Variants in WLS observed in about 807,000 individuals in gnomAD.
WLS encodes Wnt ligand secretion mediator, also known as protein wntless homolog.
In WLS, 23 loss-of-function variants were observed where a neutral mutation model predicts 62.8. The ratio of observed to expected loss-of-function variants is 0.37; its 90% CI spans 0.26 to 0.52. WLS has a LOEUF of 0.52. Ranked by LOEUF, WLS falls within the 20% of genes least tolerant of loss-of-function variation. The pLI is 0.92. For missense variants in WLS, 615 were observed against 697.3 expected, an observed-to-expected ratio of 0.88 and a Z score of 1.33; for synonymous variants, 246 against 244.1, an observed-to-expected ratio of 1.01 and a Z score of -0.07.
At chr1:68,184,039 C>G (rs1231103034) in intron 2 of WLS, among the ~76,000 whole-genome samples, 1 of 152,154 alleles carries the variant, frequency 6.6e-6, no homozygotes, top group African/African-American at 2.4e-5. Flanking sequence ...ATTATTCTGG[C>G]TTTCCCCTAC....
chr1:68,188,935 G>A (rs551494864), intron 2 of WLS, among the ~76,000 whole-genome samples: 10 of 152,344 alleles, frequency 6.6e-5, no homozygotes, highest in African/African-American at 2.2e-4. Context: ...ATAAATTAAA[G>A]CTAAAAGAGT....
intron 11 of WLS, chr1:68,100,707 G>A (rs529899606): frequency 6.6e-6 from 1 of 152,230 alleles, no homozygotes; most frequent in South Asian, 2.1e-4. Context: ...GAGATCATAA[G>A]GCTGTCGGAA....
At chr1:68,174,212 C>T (rs80111630) in intron 2 of WLS, among the ~76,000 whole-genome samples, 95 of 152,302 alleles carry the variant, frequency 6.2e-4, no homozygotes, top group African/African-American at 2.0e-3. Context: ...TGTCAGATCA[C>T]GGCACCCCAA....
intron 1 of WLS, among the ~76,000 whole-genome samples, chr1:68,210,925 C>T (rs1185870557): frequency 6.6e-6 from 1 of 152,090 alleles, no homozygotes; most frequent in South Asian, 2.1e-4. Flanking sequence ...AAAAACCCAC[C>T]AAGAATCAAG....
chr1:68,202,747 C>T (rs2183269), intron 1 of WLS: 66,223 of 152,022 alleles, frequency 0.44, 16,584 homozygotes, highest in Non-Finnish European at 0.59. Context: ...ATTATAGCAT[C>T]TTTAATTTAC....
At chr1:68,173,372 A>T (rs1317632314) in intron 2 of WLS, among the ~76,000 whole-genome samples, 1 of 152,130 alleles carries the variant, frequency 6.6e-6, no homozygotes, top group Non-Finnish European at 1.5e-5. Context: ...AGCATTTAGA[A>T]TAGCTGATTT....
intron 1 of WLS, among the ~76,000 whole-genome samples, chr1:68,220,203 A>G (rs1278061351): frequency 5.3e-5 from 8 of 152,234 alleles, no homozygotes; most frequent in Non-Finnish European, 1.0e-4. Context: ...GATCTTGCCT[A>G]ATAGGAAGGC....
intron 1 of WLS, among the ~76,000 whole-genome samples, chr1:68,227,870 G>C (rs1459914538): frequency 2.0e-5 from 3 of 152,132 alleles, no homozygotes; most frequent in Admixed American, 2.0e-4. Flanking sequence ...AAATTGGAGA[G>C]TAAACACATA....
intron 1 of WLS, chr1:68,228,204 G>A: frequency 2.3e-6 from 1 of 425,996 alleles, no homozygotes; most frequent in Non-Finnish European, 4.6e-6. Flanking sequence ...AATAATTGGT[G>A]ATTTGTTGAT....
chr1:68,162,365 A>G, intron 2 of WLS: 1 of 1,613,992 alleles, frequency 6.2e-7, no homozygotes, highest in Admixed American at 1.7e-5. Flanking sequence ...TTGAGATTGC[A>G]GTGCAAGGAG....
Position 68,194,161 on chromosome 1 carries a change from T to C in WLS, c.173A>G (p.His58Arg), listed in dbSNP as rs751470492. 2.5e-6 allele frequency: 4 copies of C among 1,614,216 alleles called. No individual in the cohort carries two copies. The highest frequency in any genetic ancestry group is 3.4e-6 in the Non-Finnish European group (4 of 1,180,032). ...CCAAGGCACGAACCATTTTGTCTTG[T>C]GATGGTTCTTACGGGCATCCACACA... Reference protein sequence around the residue: ...VKCVDARKNHHKTKWFVPWGP... With the variant: ...VKCVDARKNHRKTKWFVPWGP... The change falls in exon 2 of 12, where the codon CAC becomes CGC. Residue 58 changes from histidine (H) to arginine (R), a missense_variant. Transcript: ENST00000262348.
rs574211078 is a variant in WLS at position 68,107,960 on chromosome 1, G to A, written c.1511-9207C>T. Among the ~76,000 whole-genome samples the A allele has an allele frequency of 1.1e-4, 16 of 152,246 alleles. No individual in the cohort carries two copies. In the South Asian group the frequency reaches 2.3e-3, roughly 22 times the overall value. Reference sequence around the variant, plus strand: ...TAGAGCCTTCCAGACCCAGCTCCCCGGGAGATGAATCACCAGCTAGGGACA... The same window carrying A: ...TAGAGCCTTCCAGACCCAGCTCCCCAGGAGATGAATCACCAGCTAGGGACA... On this transcript the variant is annotated intron_variant, in intron 11 of 11. Coordinates refer to the WLS transcript ENST00000354777.
At chr1:68,167,456 G>A (rs1647076626) in intron 2 of WLS, among the ~76,000 whole-genome samples, 1 of 152,162 alleles carries the variant, frequency 6.6e-6, no homozygotes, top group East Asian at 1.9e-4. Flanking sequence ...TGACTCCTGG[G>A]ATACTGTGTG....
chr1:68,192,984 C>G (rs1270353904), intron 2 of WLS, among the ~76,000 whole-genome samples: 1 of 149,994 alleles, frequency 6.7e-6, no homozygotes, highest in Non-Finnish European at 1.5e-5. Flanking sequence ...TGGTGGGTGC[C>G]TGTAATCCCA....
In WLS at chr1:68,191,499, T is replaced by G. The variant is rs1034293180; in HGVS notation, c.379+2456A>C. 1.2e-4 allele frequency among the ~76,000 whole-genome samples: 19 copies of G among 152,224 alleles called. No individual in the cohort carries two copies. In the East Asian group the frequency reaches 3.5e-3, roughly 28 times the overall value. ...CCTCACATTACATTGTGTATTCTTA[T>G]TATAGCACATAACATGTTTTTTCTT... is the stretch of plus-strand genomic sequence containing the variant. On this transcript the variant is annotated intron_variant, in intron 2 of 11. Transcript: ENST00000262348.
intron 2 of WLS, among the ~76,000 whole-genome samples, chr1:68,182,229 A>G (rs1647622631): frequency 6.6e-6 from 1 of 152,238 alleles, no homozygotes; most frequent in Non-Finnish European, 1.5e-5. Flanking sequence ...TCATTTGCAA[A>G]TACTTAACAA....
At chr1:68,099,481 C>A (rs1361848284) in intron 11 of WLS, among the ~76,000 whole-genome samples, 1 of 152,176 alleles carries the variant, frequency 6.6e-6, no homozygotes, top group Non-Finnish European at 1.5e-5. Flanking sequence ...AAGCTCTAGT[C>A]ATCCTTCCGT....
chr1:68,200,276 T>A lies in WLS; in HGVS notation c.107-6049A>T, dbSNP rs1015315019. On this transcript the variant is annotated intron_variant, in intron 1 of 11. Coordinates refer to ENST00000262348, the MANE Select transcript of WLS (RefSeq NM_024911.7). ...CTCCTACTGACTTGAGACATTGATT[T>A]AACACCTGAAAACTAATCTCAGTTA... Among the ~76,000 whole-genome samples the A allele has an allele frequency of 7.9e-5, 12 of 152,292 alleles. No individual in the cohort carries two copies. In the East Asian group the frequency reaches 2.3e-3, roughly 29 times the overall value.
intron 2 of WLS, among the ~76,000 whole-genome samples, chr1:68,175,904 G>A (rs767780408): frequency 5.3e-5 from 8 of 152,206 alleles, no homozygotes; most frequent in Non-Finnish European, 1.0e-4. Context: ...GAAAAGAAGA[G>A]ACAGAAAACG....
Sources: allele counts gnomAD v4.1 joint callset (sites outside exome capture counted in the v4.1 genomes callset), GRCh38; gene constraint gnomAD v4.1.1; transcripts MANE v1.5; gene names NCBI Gene and HGNC (gene_info 2026-07-23, HGNC 2026-07-21).